The following ETNK1 variants were observed in gnomAD, a reference collection of about 807,000 sequenced individuals.
ETNK1 encodes the protein putative protein product of Nbla10396.
In ETNK1, 8 loss-of-function variants were observed where a neutral mutation model predicts 45.1. The observed-to-expected ratio is 0.18, with a 90% CI of 0.10 to 0.32. ETNK1 has a LOEUF of 0.32. Ranked by LOEUF, ETNK1 falls within the 10% of genes least tolerant of loss-of-function variation. The pLI is 1.00. For missense variants in ETNK1, 302 were observed against 430.6 expected, an observed-to-expected ratio of 0.70 and a Z score of 2.64; for synonymous variants, 152 against 151.9, an observed-to-expected ratio of 1.00 and a Z score of -0.01.
intron 7 of ETNK1, 28 bp downstream of exon 7, chr12:22,684,584 A>C (rs548138413): frequency 1.5e-6 from 2 of 1,373,114 alleles, no homozygotes; most frequent in South Asian, 2.4e-5. Context: ...ATATGATTAC[A>C]TTGGTCTCTG....
intron 6 of ETNK1, 65 bp downstream of exon 6, chr12:22,673,725 C>A: frequency 6.9e-7 from 1 of 1,442,188 alleles, no homozygotes; most frequent in African/African-American, 1.4e-5. Flanking sequence ...TCTAAATTTT[C>A]GTCATCTTAG....
Position 22,638,865 on chromosome 12 carries a change from C to T in ETNK1, c.157-4898C>T, listed in dbSNP as rs564110796. ...AAAGTATTTTAAAGCAAATCTCAGT[C>T]AGACCTTGTCTTTGTCTTTGTGTAT... On this transcript the variant is annotated intron_variant, in intron 1 of 7. Transcript: ENST00000266517. 4.6e-5 allele frequency: 7 copies of T among 152,230 alleles called. No individual in the cohort carries two copies. The South Asian group carries it at 1.5e-3, about 32-fold the overall frequency. The allele number at this position is 152,230 out of a possible 1,614,324, so 9.4% of individuals were successfully genotyped here. A position where few individuals can be genotyped will look rare whatever the true frequency, so the allele number is the denominator to read the frequency against.
intron 1 of ETNK1, chr12:22,638,318 C>G (rs1257145403): frequency 6.7e-6 from 1 of 150,222 alleles, no homozygotes; most frequent in African/African-American, 2.5e-5. Context: ...GTGGAGCGAT[C>G]TTGGCTCACC....
At chr12:22,630,536 A>G (rs975676929) in intron 1 of ETNK1, among the ~76,000 whole-genome samples, 1 of 152,202 alleles carries the variant, frequency 6.6e-6, no homozygotes, top group Non-Finnish European at 1.5e-5. Context: ...CAATGAAGCT[A>G]GACTTTGAGT....
At chr12:22,648,345 A>G (rs1338508159) in intron 2 of ETNK1, among the ~76,000 whole-genome samples, 1 of 151,906 alleles carries the variant, frequency 6.6e-6, no homozygotes, top group Non-Finnish European at 1.5e-5. Flanking sequence ...TCACTGCTCT[A>G]AAAAAATCCT....
At chr12:22,680,595 A>T (rs552393600) in intron 6 of ETNK1, among the ~76,000 whole-genome samples, 1 of 152,258 alleles carries the variant, frequency 6.6e-6, no homozygotes, top group African/African-American at 2.4e-5. Context: ...CTCTTGGCAG[A>T]TTTCTCTTAT....
chr12:22,646,999 T>G (rs551422989), intron 2 of ETNK1, among the ~76,000 whole-genome samples: 2 of 151,886 alleles, frequency 1.3e-5, no homozygotes, highest in Non-Finnish European at 3.0e-5. Flanking sequence ...GAACTGAACT[T>G]TGAAGGACAA....
intron 3 of ETNK1, among the ~76,000 whole-genome samples, chr12:22,659,943 A>G (rs138230314): frequency 6.6e-6 from 1 of 151,702 alleles, no homozygotes; most frequent in Non-Finnish European, 1.5e-5. Context: ...AATATTAAAT[A>G]CATTTTGTAT....
chr12:22,644,588 G>T, intron 2 of ETNK1: 1 of 214,802 alleles, frequency 4.7e-6, no homozygotes, highest in Non-Finnish European at 8.8e-6. Context: ...TCATAGGTTA[G>T]ACCAGCAGTT....
chr12:22,659,944 C>T (rs1953982463), intron 3 of ETNK1, among the ~76,000 whole-genome samples: 1 of 149,524 alleles, frequency 6.7e-6, no homozygotes, highest in Non-Finnish European at 1.5e-5. Flanking sequence ...ATATTAAATA[C>T]ATTTTGTATT....
At chr12:22,637,821 A>G (rs763508827) in intron 1 of ETNK1, among the ~76,000 whole-genome samples, 2 of 152,072 alleles carry the variant, frequency 1.3e-5, no homozygotes, top group African/African-American at 2.4e-5. Flanking sequence ...AAAATCTTAT[A>G]TACTTATATT....
chr12:22,660,884 T>C (rs1953992696), intron 3 of ETNK1, among the ~76,000 whole-genome samples, 179 bp from the exon 4 acceptor site: 1 of 152,172 alleles, frequency 6.6e-6, no homozygotes, highest in Non-Finnish European at 1.5e-5. Flanking sequence ...TATTCATGTC[T>C]AAACTTACTA....
Position 22,689,981 on chromosome 12 carries a change from A to G in ETNK1, c.*5027A>G, listed in dbSNP as rs1954290328. 1 of 152,492 alleles carries G rather than the reference A, an allele frequency of 6.6e-6. No individual in the cohort carries two copies. Among genetic ancestry groups the G allele is most frequent in the Admixed American group, 6.5e-5 (1 of 15,272 alleles). The allele number at this position is 152,492 out of a possible 1,614,324, so 9.4% of individuals were successfully genotyped here. ...TATTTGAGTTTTAAAATATACTGTT[A>G]TTAAAAGGAAAAAGACATGGCCATT... On this transcript the variant is annotated 3_prime_UTR_variant, in exon 8 of 8. Coordinates refer to ENST00000266517, the MANE Select transcript of ETNK1 (RefSeq NM_018638.5).
intron 1 of ETNK1, among the ~76,000 whole-genome samples, chr12:22,635,757 T>C (rs958565240): frequency 6.6e-6 from 1 of 152,214 alleles, no homozygotes; most frequent in African/African-American, 2.4e-5. Context: ...TTATTTGGTG[T>C]GTGTGTTATT....
At chr12:22,684,803 A>G in intron 7 of ETNK1, 79 bp from the exon 8 acceptor site, 1 of 1,140,708 alleles carries the variant, frequency 8.8e-7, no homozygotes, top group South Asian at 1.4e-5. Context: ...AAACCAGCTT[A>G]GAGGACTGAG....
rs760683361 is a variant in ETNK1 at position 22,661,030 on chromosome 12, C to T, written c.558-33C>T. 6 of 1,568,644 alleles carry T rather than the reference C, an allele frequency of 3.8e-6. No individual in the cohort carries two copies. The Admixed American group carries it at 6.2e-5, about 16-fold the overall frequency. On this transcript the variant is annotated intron_variant, in intron 3 of 7. Coordinates refer to ENST00000266517, the MANE Select transcript of ETNK1 (RefSeq NM_018638.5). ...TTAATCAAACTTGAAAAAAATGTCA[C>T]ACAAGATATAACTCTTCTTTTAAAA...
chr12:22,677,267 A>T (rs891407203), intron 6 of ETNK1, among the ~76,000 whole-genome samples: 2 of 152,032 alleles, frequency 1.3e-5, no homozygotes, highest in Non-Finnish European at 1.5e-5. Flanking sequence ...TAAAGAGGGA[A>T]TTTTTTCCCC....
intron 1 of ETNK1, among the ~76,000 whole-genome samples, chr12:22,635,529 A>G (rs1953644865): frequency 6.6e-6 from 1 of 152,138 alleles, no homozygotes; most frequent in African/African-American, 2.4e-5. Context: ...AAGTTCTAAG[A>G]CTTCTACTCC....
intron 1 of ETNK1, among the ~76,000 whole-genome samples, chr12:22,626,736 GTT>G (rs1156975381): frequency 1.3e-5 from 2 of 152,170 alleles, no homozygotes; most frequent in Non-Finnish European, 2.9e-5. Flanking sequence ...GGACCCGTAT[GTT>G]TTGGAGAAGA....
Sources: gnomAD v4.1 joint callset for allele counts (sites outside exome capture counted in the v4.1 genomes callset) on GRCh38, gnomAD v4.1.1 for gene constraint, MANE v1.5 for transcripts, NCBI Gene and HGNC (gene_info 2026-07-23, HGNC 2026-07-21) for gene names.